The following PTPRD variants were observed in gnomAD, a reference collection of about 807,000 sequenced individuals.
PTPRD encodes protein tyrosine phosphatase receptor type D.
PTPRD carries 34 observed loss-of-function variants against 214.5 expected under a neutral mutation model. The observed-to-expected ratio is 0.16, with a 90% CI of 0.12 to 0.21. PTPRD has a LOEUF of 0.21. Among genes scored for constraint, PTPRD ranks in the 10% least tolerant of loss-of-function variants. PTPRD has a pLI of 1.00. For missense variants in PTPRD, 2,545 were observed against 2,398.7 expected, an observed-to-expected ratio of 1.06 and a Z score of -1.27; for synonymous variants, 1,128 against 845.7, an observed-to-expected ratio of 1.33 and a Z score of -5.79.
chr9:9,036,736 A>G (rs2099623085), intron 10 of PTPRD, among the ~76,000 whole-genome samples: 1 of 152,152 alleles, frequency 6.6e-6, no homozygotes, highest in Admixed American at 6.6e-5. Flanking sequence ...ATTATATTTA[A>G]TAGTTTCCTT....
intron 7 of PTPRD, among the ~76,000 whole-genome samples, chr9:9,704,100 A>G (rs2097551643): frequency 1.3e-5 from 2 of 152,124 alleles, no homozygotes; most frequent in Non-Finnish European, 2.9e-5. Flanking sequence ...CTGAAACCAG[A>G]TAATAGCCTT....
At chr9:8,339,417 C>G (rs1850225726) in intron 42 of PTPRD, among the ~76,000 whole-genome samples, 1 of 152,042 alleles carries the variant, frequency 6.6e-6, no homozygotes. Flanking sequence ...CACATTGCAC[C>G]ACCACAGCAT....
intron 11 of PTPRD, among the ~76,000 whole-genome samples, chr9:9,016,626 T>G (rs1235654264): frequency 6.6e-6 from 1 of 152,164 alleles, no homozygotes; most frequent in South Asian, 2.1e-4. Context: ...GGCTGATGAC[T>G]AAAGCTTCTT....
At chr9:9,504,456 A>G (rs2096524116) in intron 8 of PTPRD, among the ~76,000 whole-genome samples, 6 of 151,624 alleles carry the variant, frequency 4.0e-5, no homozygotes, top group Non-Finnish European at 1.5e-5. Context: ...CATATCCCCA[A>G]CACACATTTA....
At chr9:9,841,433 T>G (rs2097627889) in intron 5 of PTPRD, among the ~76,000 whole-genome samples, 1 of 152,130 alleles carries the variant, frequency 6.6e-6, no homozygotes, top group South Asian at 2.1e-4. Flanking sequence ...CTCTTTGATT[T>G]GGGATAAGTA....
chr9:8,507,253 G>A lies in PTPRD; in HGVS notation c.1677+48C>T, dbSNP rs184080121. 87 of 1,576,458 alleles carry A rather than the reference G, an allele frequency of 5.5e-5. No individual in the cohort carries two copies. The African/African-American group carries it at 1.1e-3, about 21-fold the overall frequency. On this transcript the variant is annotated intron_variant, in intron 22 of 45. Transcript: ENST00000381196. ...ATAAATACACAAAAATAAAAAAGTG[G>A]CCCCACGTAATGAATAATTCCCAAG... is the stretch of plus-strand genomic sequence containing the variant.
At chr9:9,532,077 G>C (rs537486532) in intron 8 of PTPRD, among the ~76,000 whole-genome samples, 45 of 151,898 alleles carry the variant, frequency 3.0e-4, no homozygotes, top group African/African-American at 1.1e-3. Flanking sequence ...GCATAAATAA[G>C]GACAAGTCTC....
At chr9:9,080,610 CA>C (rs1018354146) in intron 10 of PTPRD, among the ~76,000 whole-genome samples, 56 of 152,054 alleles carry the variant, frequency 3.7e-4, no homozygotes, top group African/African-American at 1.3e-3. Flanking sequence ...AGTCTGACTC[CA>C]GAGCTTCCCA....
At chr9:8,795,581 A>G (rs12685836) in intron 11 of PTPRD, among the ~76,000 whole-genome samples, 1 of 152,090 alleles carries the variant, frequency 6.6e-6, no homozygotes, top group Non-Finnish European at 1.5e-5. Context: ...CTGATAGATG[A>G]AAACTTTTGG....
intron 2 of PTPRD, among the ~76,000 whole-genome samples, chr9:10,485,235 T>C (rs1031628395): frequency 1.3e-5 from 2 of 152,124 alleles, no homozygotes; most frequent in Admixed American, 1.3e-4. Context: ...TCTGTTATTA[T>C]GCCAGTGCCA....
At chr9:9,341,871 C>T (rs1404584433) in intron 9 of PTPRD, among the ~76,000 whole-genome samples, 1 of 152,096 alleles carries the variant, frequency 6.6e-6, no homozygotes, top group Non-Finnish European at 1.5e-5. Flanking sequence ...TTCAGTGTCG[C>T]AATCTCGACT....
intron 44 of PTPRD, among the ~76,000 whole-genome samples, chr9:8,329,511 G>C (rs948214856): frequency 6.6e-6 from 1 of 152,166 alleles, no homozygotes; most frequent in Non-Finnish European, 1.5e-5. Flanking sequence ...CACTTGAGGA[G>C]AGAGTCTGTC....
chr9:9,824,072 A>C (rs1450484265), intron 5 of PTPRD, among the ~76,000 whole-genome samples: 1 of 152,032 alleles, frequency 6.6e-6, no homozygotes, highest in Non-Finnish European at 1.5e-5. Flanking sequence ...ATTATTAAAA[A>C]TATTATATAA....
At chr9:9,841,504 A>G (rs961618848) in intron 5 of PTPRD, among the ~76,000 whole-genome samples, 1 of 152,156 alleles carries the variant, frequency 6.6e-6, no homozygotes, top group African/African-American at 2.4e-5. Flanking sequence ...TAGGAGTACA[A>G]TAAATTTTAG....
In PTPRD at chr9:10,295,881, T is replaced by C. The variant is rs529776319; in HGVS notation, c.-545+45082A>G. On this transcript the variant is annotated intron_variant, in intron 3 of 45. Transcript: ENST00000381196. Reference sequence around the variant, plus strand: ...TGTGTGGGGCTTTCTGTACCTTTGCTACTTTGAAGATGGAAGGGAGAGCAA... The same window carrying C: ...TGTGTGGGGCTTTCTGTACCTTTGCCACTTTGAAGATGGAAGGGAGAGCAA... Among the ~76,000 whole-genome samples the C allele has an allele frequency of 5.9e-5, 9 of 152,110 alleles. 1 individual carries two copies. In the South Asian group the frequency reaches 1.9e-3, roughly 32 times the overall value.
chr9:10,129,642 A>T (rs892105704), intron 3 of PTPRD, among the ~76,000 whole-genome samples: 1 of 151,870 alleles, frequency 6.6e-6, no homozygotes, highest in Non-Finnish European at 1.5e-5. Context: ...CTCCAAATTC[A>T]TTCCAGATAT....
At chr9:10,233,960 T>C (rs544527135) in intron 3 of PTPRD, among the ~76,000 whole-genome samples, 2 of 151,870 alleles carry the variant, frequency 1.3e-5, no homozygotes, top group South Asian at 2.1e-4. Flanking sequence ...TTATTCTTAA[T>C]AACCACCCAG....
chr9:10,438,011 A>G (rs1209385520), intron 2 of PTPRD, among the ~76,000 whole-genome samples: 3 of 116,726 alleles, frequency 2.6e-5, no homozygotes, highest in Non-Finnish European at 4.6e-5. Flanking sequence ...AAGTCTACAT[A>G]TATATATATA....
At chr9:8,373,856 GTCTGTCTGTCTATCTA>G (rs1564367524) in intron 39 of PTPRD, among the ~76,000 whole-genome samples, 3 of 86,576 alleles carry the variant, frequency 3.5e-5, no homozygotes, top group African/African-American at 1.4e-4. Flanking sequence ...ATGTGTATGT[GTCTGTCTGTCTATCTA>G]TCTATCTATC....
Sources: allele counts gnomAD v4.1 joint callset (sites outside exome capture counted in the v4.1 genomes callset), GRCh38; gene constraint gnomAD v4.1.1; transcripts MANE v1.5; gene names NCBI Gene and HGNC (gene_info 2026-07-23, HGNC 2026-07-21).